TRIO: variants seen among roughly 807,000 people sequenced by gnomAD.
TRIO encodes the protein trio Rho guanine nucleotide exchange factor.
A neutral mutation model predicts 351.9 loss-of-function variants in TRIO; 58 were observed. The observed-to-expected ratio is 0.16, with a 90% CI of 0.13 to 0.21. The LOEUF (loss-of-function observed/expected upper bound fraction) is 0.21. Among genes scored for constraint, TRIO ranks in the 10% least tolerant of loss-of-function variants. TRIO has a pLI of 1.00. For synonymous variants in TRIO, 1,758 were observed against 1,595.7 expected (o/e 1.10, Z -2.42); for missense variants, 3,201 against 4,027.8 (o/e 0.79, Z 5.56).
chr5:14,377,575 C>G (rs72748229), intron 19 of TRIO, among the ~76,000 whole-genome samples: 1 of 151,832 alleles, frequency 6.6e-6, no homozygotes, highest in African/African-American at 2.4e-5. Flanking sequence ...TTTAATCCAC[C>G]CTTGTTGATT....
chr5:14,402,835 C>A (rs553046919), intron 31 of TRIO, among the ~76,000 whole-genome samples: 2 of 150,682 alleles, frequency 1.3e-5, no homozygotes, highest in Admixed American at 6.6e-5. Context: ...AGTGGTAGTA[C>A]AGGCGGTGGT....
At chr5:14,468,751 A>G (rs1754462793) in intron 37 of TRIO, among the ~76,000 whole-genome samples, 1 of 152,196 alleles carries the variant, frequency 6.6e-6, no homozygotes, top group Admixed American at 6.5e-5. Context: ...GGATTTGAAC[A>G]CTGCATTGTT....
chr5:14,435,250 G>A (rs1355692552), intron 34 of TRIO, among the ~76,000 whole-genome samples: 1 of 152,180 alleles, frequency 6.6e-6, no homozygotes, highest in Non-Finnish European at 1.5e-5. Context: ...CACGAGGCCG[G>A]ACTCCCTGCT....
rs1280470283 is a variant in TRIO at position 14,482,721 on chromosome 5, A to G, written c.6605A>G (p.Asp2202Gly). The change falls in exon 46 of 57, where the codon GAT becomes GGT. Residue 2202 changes from aspartate (D) to glycine (G), a missense_variant. Physicochemically the swap from Asp to Gly is moderately conservative, Grantham distance 94. Around this residue, in one of 19 missense-constraint regions of TRIO, gnomAD observed 1,089 missense variants for 954.9 expected, o/e 1.14. Transcript: ENST00000344204. Reference sequence around the variant, plus strand: ...ATCGTCATATTCAGCGAACCACTTGATAAAAAGAAGGGCTTCTCCATGCCG... The same window carrying G: ...ATCGTCATATTCAGCGAACCACTTGGTAAAAAGAAGGGCTTCTCCATGCCG... The part of the protein sequence containing the change: ...EQIVIFSEPL[D>G]KKKGFSMPGF... The G allele has an allele frequency of 6.2e-6, 10 of 1,610,634 alleles. No homozygotes were observed. Among genetic ancestry groups the G allele is most frequent in the Non-Finnish European group, 6.8e-6 (8 of 1,177,800 alleles).
chr5:14,434,449 C>G (rs1334944640), intron 34 of TRIO, among the ~76,000 whole-genome samples: 1 of 151,924 alleles, frequency 6.6e-6, no homozygotes, highest in Non-Finnish European at 1.5e-5. Context: ...CTCTCAGTTT[C>G]TTTAGCTATT....
intron 1 of TRIO, among the ~76,000 whole-genome samples, chr5:14,268,187 G>A (rs1026331959): frequency 6.6e-6 from 1 of 152,178 alleles, no homozygotes; most frequent in African/African-American, 2.4e-5. Flanking sequence ...CTCATAGTGG[G>A]ACATAGGAAA....
intron 1 of TRIO, among the ~76,000 whole-genome samples, chr5:14,145,540 C>T (rs1041191181): frequency 2.5e-4 from 38 of 151,836 alleles, no homozygotes; most frequent in Non-Finnish European, 4.4e-4. Context: ...GATAGAGCAG[C>T]CCCGTCTTAC....
chr5:14,243,388 CT>C (rs1794245958), intron 1 of TRIO, among the ~76,000 whole-genome samples: 2 of 152,008 alleles, frequency 1.3e-5, no homozygotes, highest in African/African-American at 2.4e-5. Context: ...AATTCCACCC[CT>C]CCTCCCAATT....
intron 40 of TRIO, 128 bp downstream of exon 40, chr5:14,474,225 T>G (rs1050571891): frequency 1.3e-6 from 1 of 797,724 alleles, no homozygotes. Context: ...AGGGAGCTGG[T>G]GCAAAGGAGA....
intron 19 of TRIO, among the ~76,000 whole-genome samples, chr5:14,377,367 T>C (rs1745653933): frequency 6.6e-6 from 1 of 151,956 alleles, no homozygotes; most frequent in African/African-American, 2.4e-5. Context: ...TGCCTCAGCC[T>C]CCCAAGTAGC....
intron 1 of TRIO, among the ~76,000 whole-genome samples, chr5:14,192,260 CTT>C (rs754026270): frequency 8.3e-6 from 1 of 120,066 alleles, no homozygotes; most frequent in African/African-American, 3.4e-5. Context: ...TTTCCTTCTT[CTT>C]TTTTTTTTTC....
chr5:14,174,722 A>G lies in TRIO; in HGVS notation c.157+30840A>G, dbSNP rs537114537. Among the ~76,000 whole-genome samples, 4 of 152,364 alleles carry G rather than the reference A, an allele frequency of 2.6e-5. No homozygotes were observed. The East Asian group carries it at 7.7e-4, about 29-fold the overall frequency. On this transcript the variant is annotated intron_variant, in intron 1 of 56. Coordinates refer to ENST00000344204, the MANE Select transcript of TRIO (RefSeq NM_007118.4). ...CCATAGGTAGAGGTCAGATCGCCAAATAAATAATAGTATCTAGAGTCAGGG... is the reference window on the plus strand; with the variant it reads ...CCATAGGTAGAGGTCAGATCGCCAAGTAAATAATAGTATCTAGAGTCAGGG...
chr5:14,388,502 A>G (rs1280696029), intron 23 of TRIO, 111 bp from the exon 24 acceptor site: 2 of 1,078,300 alleles, frequency 1.9e-6, no homozygotes, highest in South Asian at 1.4e-5. Context: ...AAAATGATCA[A>G]TCTAAGACTA....
At chr5:14,178,474 T>C (rs1473233434) in intron 1 of TRIO, among the ~76,000 whole-genome samples, 1 of 152,194 alleles carries the variant, frequency 6.6e-6, no homozygotes, top group Admixed American at 6.5e-5. Flanking sequence ...TGTCAAATAT[T>C]GATGCTTTGA....
chr5:14,325,798 T>C (rs552800611), intron 9 of TRIO, among the ~76,000 whole-genome samples: 1 of 152,326 alleles, frequency 6.6e-6, no homozygotes, highest in South Asian at 2.1e-4. Context: ...ATTTTACAAA[T>C]AGCTTATACA....
At chr5:14,467,726 T>A (rs1442012321) in intron 37 of TRIO, among the ~76,000 whole-genome samples, 1 of 151,994 alleles carries the variant, frequency 6.6e-6, no homozygotes, top group Non-Finnish European at 1.5e-5. Flanking sequence ...GGTGGGAGGA[T>A]CACCTGAGCC....
intron 1 of TRIO, among the ~76,000 whole-genome samples, chr5:14,144,631 G>T (rs1310121770): frequency 3.9e-5 from 6 of 151,916 alleles, no homozygotes; most frequent in Non-Finnish European, 8.8e-5. Context: ...TGTGGGTGGC[G>T]TGGAGGTGGA....
intron 4 of TRIO, among the ~76,000 whole-genome samples, chr5:14,287,940 A>G (rs1229342420): frequency 6.6e-6 from 1 of 152,228 alleles, no homozygotes; most frequent in Non-Finnish European, 1.5e-5. Flanking sequence ...CTTAATCTTC[A>G]GGTTATAATG....
At chr5:14,425,421 A>G (rs1424532972) in intron 34 of TRIO, among the ~76,000 whole-genome samples, 1 of 152,204 alleles carries the variant, frequency 6.6e-6, no homozygotes, top group Admixed American at 6.5e-5. Flanking sequence ...ATCCCCTTGT[A>G]TGCAGATGCC....
Sources: allele counts gnomAD v4.1 joint callset (sites outside exome capture counted in the v4.1 genomes callset), GRCh38; gene constraint gnomAD v4.1.1; regional missense constraint gnomAD v4.1.1; transcripts MANE v1.5; gene names NCBI Gene and HGNC (gene_info 2026-07-23, HGNC 2026-07-21).